Variants in PDE1A observed in about 807,000 individuals in gnomAD.
The protein encoded by PDE1A is phosphodiesterase 1A, also known as dual specificity calcium/calmodulin-dependent 3',5'-cyclic nucleotide phosphodiesterase 1A.
A neutral mutation model predicts 61.7 loss-of-function variants in PDE1A; 35 were observed. The ratio of observed to expected loss-of-function variants is 0.57; its 90% CI spans 0.43 to 0.75. The LOEUF (loss-of-function observed/expected upper bound fraction) is 0.75, where lower values mean the gene tolerates loss of function less well. Among genes scored for constraint, PDE1A ranks in the 30% least tolerant of loss-of-function variants. The pLI is 0.00. For synonymous variants in PDE1A, 232 were observed against 213.2 expected (o/e 1.09, Z -0.77); for missense variants, 597 against 630.6 (o/e 0.95, Z 0.57).
At chr2:182,163,114 A>G (rs1691476591), downstream of PDE1A, among the ~76,000 whole-genome samples, 1 of 152,182 alleles carries the variant, frequency 6.6e-6, no homozygotes, top group African/African-American at 2.4e-5. Flanking sequence ...GCTTGTACAG[A>G]AGACAGATGG....
intron 13 of PDE1A, among the ~76,000 whole-genome samples, chr2:182,182,802 C>T (rs537632463): frequency 6.6e-6 from 1 of 151,882 alleles, no homozygotes; most frequent in South Asian, 2.1e-4. Context: ...TTAACACCCA[C>T]CCTCCCAGAC....
At chr2:182,582,253 T>C in the PDE1A span, among the ~76,000 whole-genome samples, 298 of 152,256 alleles carry the variant, frequency 2.0e-3, 2 homozygotes, top group African/African-American at 6.4e-3. Context: ...TTCAAAGTTA[T>C]GTCAGTTGGC....
At chr2:182,232,838 A>C (rs1250693313) in intron 4 of PDE1A, among the ~76,000 whole-genome samples, 1 of 152,210 alleles carries the variant, frequency 6.6e-6, no homozygotes, top group African/African-American at 2.4e-5. Context: ...GTTCCCACTG[A>C]GTAAAAGGTT....
At chr2:182,607,099 A>C in the PDE1A span, among the ~76,000 whole-genome samples, 4 of 152,208 alleles carry the variant, frequency 2.6e-5, no homozygotes, top group African/African-American at 9.6e-5. Context: ...GGAATTGGTC[A>C]ACCAGAAGCA....
At position 182,195,338 on chromosome 2, in the gene PDE1A, T is replaced by C. The variant is rs887037776; in HGVS notation, c.1125+6101A>G. ...TCTATCACTTTGCTCCTCACAATCA[T>C]CCTGGGAAGTAGGCAGGATGGGAAA... On this transcript the variant is annotated intron_variant, in intron 10 of 13. Coordinates refer to ENST00000351439, the Ensembl canonical transcript of PDE1A. Among the ~76,000 whole-genome samples the C allele has an allele frequency of 2.0e-5, 3 of 151,934 alleles. 1 individual carries two copies. The highest frequency in any genetic ancestry group is 2.9e-5 in the Non-Finnish European group (2 of 67,946).
the PDE1A span, among the ~76,000 whole-genome samples, chr2:182,547,672 G>A: frequency 1.3e-5 from 2 of 152,112 alleles, no homozygotes; most frequent in Admixed American, 1.3e-4. Context: ...TTTACACTCA[G>A]GCAGACTAGG....
At chr2:182,490,465 G>A (rs1688310152) in intron 2 of PDE1A, among the ~76,000 whole-genome samples, 1 of 152,176 alleles carries the variant, frequency 6.6e-6, no homozygotes, top group South Asian at 2.1e-4. Flanking sequence ...TGCCTCCTGG[G>A]TTCACGCCAT....
chr2:182,309,258 T>A (rs1695804708), intron 1 of PDE1A, among the ~76,000 whole-genome samples: 2 of 150,988 alleles, frequency 1.3e-5, no homozygotes, highest in Admixed American at 1.3e-4. Context: ...TAAACTTAAG[T>A]AAAGAAAAAT....
At chr2:182,202,315 A>G (rs1686727686) in intron 8 of PDE1A, among the ~76,000 whole-genome samples, 1 of 152,170 alleles carries the variant, frequency 6.6e-6, no homozygotes, top group Non-Finnish European at 1.5e-5. Flanking sequence ...TTCATTTTGC[A>G]TTTTTAATCA....
At chr2:182,314,601 T>A (rs1325695274) in intron 1 of PDE1A, 1 of 152,094 alleles carries the variant, frequency 6.6e-6, no homozygotes, top group Non-Finnish European at 1.5e-5. Flanking sequence ...ACAAAAAGAA[T>A]GTCATTTATG....
chr2:182,411,057 C>T (rs1191330625), intron 1 of PDE1A, among the ~76,000 whole-genome samples: 3 of 152,132 alleles, frequency 2.0e-5, no homozygotes, highest in Non-Finnish European at 2.9e-5. Context: ...AAATGAAACA[C>T]ATCCATGTAA....
chr2:182,558,401 C>T, the PDE1A span, among the ~76,000 whole-genome samples: 1 of 152,014 alleles, frequency 6.6e-6, no homozygotes, highest in Non-Finnish European at 1.5e-5. Flanking sequence ...ATATTAATGG[C>T]TACTCCATAT....
At chr2:182,239,199 C>A (rs188183323) in intron 3 of PDE1A, among the ~76,000 whole-genome samples, 3 of 152,052 alleles carry the variant, frequency 2.0e-5, no homozygotes, top group African/African-American at 7.2e-5. Flanking sequence ...TATTGATTAA[C>A]GGTAATGCCT....
chr2:182,329,831 T>C lies in PDE1A; in HGVS notation c.54-65417A>G, dbSNP rs111913321. Among the ~76,000 whole-genome samples, 11 of 152,352 alleles carry C rather than the reference T, an allele frequency of 7.2e-5. 1 individual carries two copies. The highest frequency in any genetic ancestry group is 2.6e-4 in the African/African-American group (11 of 41,582). On this transcript the variant is annotated intron_variant, in intron 1 of 13. Transcript: ENST00000351439. ...CTGGACATATTTTCTATCCATTAAT[T>C]TGCATGCTTACTGTTTATTTTAGAA...
chr2:182,264,606 T>C (rs111506879), intron 1 of PDE1A, among the ~76,000 whole-genome samples, 192 bp from the exon 2 acceptor site: 2 of 151,902 alleles, frequency 1.3e-5, no homozygotes, highest in African/African-American at 2.4e-5. Context: ...AATTATTAGG[T>C]ATTATATTCA....
intron 1 of PDE1A, among the ~76,000 whole-genome samples, chr2:182,272,213 T>G (rs1005566917): frequency 6.6e-6 from 1 of 152,138 alleles, no homozygotes; most frequent in African/African-American, 2.4e-5. Context: ...TTCCCAGAAC[T>G]TAGAATCTCC....
downstream of PDE1A, among the ~76,000 whole-genome samples, chr2:182,143,742 C>G (rs1005506266): frequency 6.6e-6 from 1 of 152,138 alleles, no homozygotes; most frequent in Non-Finnish European, 1.5e-5. Context: ...GTCTCGATCT[C>G]CTGATCTCAT....
chr2:182,435,592 T>C (rs578190553), intron 2 of PDE1A, among the ~76,000 whole-genome samples: 3 of 152,052 alleles, frequency 2.0e-5, no homozygotes, highest in Non-Finnish European at 4.4e-5. Context: ...TATCAAAGTT[T>C]TAAAGCATCT....
chr2:182,586,534 C>G, the PDE1A span, among the ~76,000 whole-genome samples: 1 of 152,176 alleles, frequency 6.6e-6, no homozygotes, highest in South Asian at 2.1e-4. Context: ...TTACATGTTA[C>G]ACTGCACATG....
Sources: allele counts gnomAD v4.1 joint callset (sites outside exome capture counted in the v4.1 genomes callset), GRCh38; gene constraint gnomAD v4.1.1; transcripts MANE v1.5; gene names NCBI Gene and HGNC (gene_info 2026-07-23, HGNC 2026-07-21).